Variants in CNNM4 observed in about 807,000 individuals in gnomAD.
CNNM4 encodes cyclin and CBS domain divalent metal cation transport mediator 4, also known as metal transporter CNNM4.
Under a neutral mutation model 53.7 loss-of-function variants are expected in CNNM4, and 32 were observed. That is an observed-to-expected ratio of 0.60 (90% confidence interval 0.45 to 0.80). The LOEUF (loss-of-function observed/expected upper bound fraction) is 0.80, where lower values mean the gene tolerates loss of function less well. CNNM4 is among the 30% of genes least tolerant of loss of function. The pLI is 0.00. For synonymous variants in CNNM4, 410 were observed against 440.0 expected, an observed-to-expected ratio of 0.93 and a Z score of 0.85; for missense variants, 784 against 1,022.0, an observed-to-expected ratio of 0.77 and a Z score of 3.17.
At chr2:96,786,778 CAAAAAAAAAA>C (rs978560794) in intron 1 of CNNM4, among the ~76,000 whole-genome samples, 2 of 40,482 alleles carry the variant, frequency 4.9e-5, no homozygotes, top group Non-Finnish European at 8.7e-5. Context: ...GACTCTGTCT[CAAAAAAAAAA>C]AAAAAAAAAA....
In CNNM4 at chr2:96,797,446, C is replaced by CG. The variant is rs2079113723; in HGVS notation, c.1547-64dup. ...GGGCTGGAGAGCAGGAGCTGCGGGGCGGGTTCCAGTCTCTTCCTAAGTCCT... is the reference window on the plus strand; with the variant it reads ...GGGCTGGAGAGCAGGAGCTGCGGGGCGGGGTTCCAGTCTCTTCCTAAGTCCT... On this transcript the variant is annotated intron_variant, in intron 2 of 6. Coordinates refer to ENST00000377075, the MANE Select transcript of CNNM4 (RefSeq NM_020184.4). This position sits in a 1 kb window ranked among gnomAD's most constrained non-coding sequence, Gnocchi z 6.0. 1 of 1,596,966 alleles carries CG rather than the reference C, an allele frequency of 6.3e-7. No homozygotes were observed. The highest frequency in any genetic ancestry group is 8.5e-7 in the Non-Finnish European group (1 of 1,172,510).
Position 96,761,200 on chromosome 2 carries a change from C to T in CNNM4, c.201C>T (p.Phe67=), listed in dbSNP as rs2078757671. ...GGACGAACCCGGATGGCATCATCTT[C>T]GTGTCCGAGGGCAGCACCGTGAACC... ...SCGTNPDGII[F]VSEGSTVNLR... Residue 67 remains phenylalanine, a synonymous_variant, in exon 1 of 7, where the codon TTC becomes TTT. Coordinates refer to ENST00000377075, the MANE Select transcript of CNNM4 (RefSeq NM_020184.4). This position sits in a 1 kb window ranked among gnomAD's most constrained non-coding sequence, Gnocchi z 6.0. 1 of 1,613,820 alleles carries T rather than the reference C, an allele frequency of 6.2e-7. No individual in the cohort carries two copies. The highest frequency in any genetic ancestry group is 8.5e-7 in the Non-Finnish European group (1 of 1,179,864).
intron 5 of CNNM4, among the ~76,000 whole-genome samples, chr2:96,806,122 C>CG (rs1253840496): frequency 6.8e-6 from 1 of 146,598 alleles, no homozygotes; most frequent in Non-Finnish European, 1.5e-5. Flanking sequence ...GCTGGCCGGG[C>CG]GGGGGGCTGA....
chr2:96,761,795 G>A lies in CNNM4; in HGVS notation c.796G>A (p.Gly266Arg), dbSNP rs773439754. The change falls in exon 1 of 7, where the codon GGG becomes AGG. Residue 266 changes from glycine (G) to arginine (R), a missense_variant. Transcript: ENST00000377075. The surrounding 1 kb of genome is among the most constrained non-coding windows in gnomAD (Gnocchi z 6.0). ...SLTILLDNLI[G>R]SGLMAVASST... is the part of the protein sequence containing the mutation. ...CACAATCCTTCTAGACAACCTCATC[G>A]GGTCCGGCCTCATGGCGGTGGCCTC... The A allele has an allele frequency of 1.2e-6, 2 of 1,613,456 alleles. No individual in the cohort carries two copies. Among genetic ancestry groups the A allele is most frequent in the Admixed American group, 1.7e-5 (1 of 59,992 alleles).
intron 5 of CNNM4, among the ~76,000 whole-genome samples, chr2:96,803,752 G>A (rs1020112104): frequency 6.6e-6 from 1 of 151,342 alleles, no homozygotes; most frequent in Non-Finnish European, 1.5e-5. Flanking sequence ...TGCAGTTTTT[G>A]TTTTATTTAT....
At chr2:96,770,482 G>A (rs2078858797) in intron 1 of CNNM4, among the ~76,000 whole-genome samples, 1 of 152,212 alleles carries the variant, frequency 6.6e-6, no homozygotes, top group South Asian at 2.1e-4. Context: ...GGTAGACATG[G>A]CGTTTTCCAC....
chr2:96,792,183 T>C (rs1003010173), intron 1 of CNNM4, among the ~76,000 whole-genome samples: 11 of 149,472 alleles, frequency 7.4e-5, no homozygotes, highest in Admixed American at 4.7e-4. Context: ...GAGGTGGAGA[T>C]TGCAGTGAGC....
At chr2:96,771,639 G>A (rs570920160) in intron 1 of CNNM4, among the ~76,000 whole-genome samples, 2 of 151,656 alleles carry the variant, frequency 1.3e-5, no homozygotes, top group Admixed American at 6.6e-5. Context: ...GCTTGAACCC[G>A]GTAGGTGGAG....
intron 3 of CNNM4, 151 bp from the exon 4 acceptor site, chr2:96,798,906 C>A: frequency 1.3e-6 from 1 of 767,762 alleles, no homozygotes. Flanking sequence ...GCTCCCTCCC[C>A]AGGGAGGTGC....
At position 96,760,998 on chromosome 2, in the gene CNNM4, A is replaced by C; in HGVS notation, c.-2A>C. The C allele has an allele frequency of 8.8e-7, 1 of 1,138,592 alleles. No individual in the cohort carries two copies. Among genetic ancestry groups the C allele is most frequent in the Middle Eastern group, 3.7e-4 (1 of 2,720 alleles). The allele number at this position is 1,138,592 out of a possible 1,614,324, so 70.5% of individuals were successfully genotyped here. A position where few individuals can be genotyped will look rare whatever the true frequency, so the allele number is the denominator to read the frequency against. On this transcript the variant is annotated 5_prime_UTR_variant, in exon 1 of 7. Coordinates refer to ENST00000377075, the MANE Select transcript of CNNM4 (RefSeq NM_020184.4). ...CGGCGGCGGCGGCAGAGCCAGAGCA[A>C]CATGGCGCCGGTGGGCGGGGGCGGG...
In CNNM4 at chr2:96,809,378, A is replaced by G. The variant is rs775579761; in HGVS notation, c.2189A>G (p.Gln730Arg). The change falls in exon 7 of 7, where the codon CAG becomes CGG. Residue 730 changes from glutamine (Q) to arginine (R), a missense_variant. Transcript: ENST00000377075. Reference protein sequence around the residue: ...LLASRMENSPQFPIDGCTTHM... With the variant: ...LLASRMENSPRFPIDGCTTHM... The stretch of plus-strand genomic sequence containing the variant: ...GCTTCTCGCATGGAGAACAGCCCTC[A>G]GTTTCCCATAGACGGGTGCACCACC... The G allele has an allele frequency of 1.9e-6, 3 of 1,614,138 alleles. No individual in the cohort carries two copies. Among genetic ancestry groups the G allele is most frequent in the Non-Finnish European group, 2.5e-6 (3 of 1,180,022 alleles).
At chr2:96,785,266 A>G (rs981909073) in intron 1 of CNNM4, among the ~76,000 whole-genome samples, 1 of 152,038 alleles carries the variant, frequency 6.6e-6, no homozygotes, top group African/African-American at 2.4e-5. Context: ...TTGTGCCTCC[A>G]TTCAATCAAA....
At chr2:96,781,269 G>A (rs150035500) in intron 1 of CNNM4, among the ~76,000 whole-genome samples, 3,138 of 151,274 alleles carry the variant, frequency 0.021, 124 homozygotes, top group African/African-American at 0.073. Context: ...GTGAGCCACC[G>A]TGCCCGGCCT....
chr2:96,784,511 T>A (rs2079000445), intron 1 of CNNM4, among the ~76,000 whole-genome samples: 1 of 152,162 alleles, frequency 6.6e-6, no homozygotes, highest in African/African-American at 2.4e-5. Context: ...AGTAAAAGCT[T>A]AAAAATCTAG....
chr2:96,784,499 A>G (rs1266084699), intron 1 of CNNM4, among the ~76,000 whole-genome samples: 2 of 152,196 alleles, frequency 1.3e-5, no homozygotes, highest in African/African-American at 4.8e-5. Context: ...GATATTTTCC[A>G]TAGTAAAAGC....
chr2:96,764,610 C>T lies in CNNM4; in HGVS notation c.1402+2209C>T, dbSNP rs1175537202. 3.3e-5 allele frequency among the ~76,000 whole-genome samples: 5 copies of T among 152,218 alleles called. No individual in the cohort carries two copies. The East Asian group carries it at 7.7e-4, about 23-fold the overall frequency. ...CACCGGGTTCCCTGCAGCGTGGCCTCTTCCAGACCTTCCAATCTGGCGTCC... is the reference window on the plus strand; with the variant it reads ...CACCGGGTTCCCTGCAGCGTGGCCTTTTCCAGACCTTCCAATCTGGCGTCC... On this transcript the variant is annotated intron_variant, in intron 1 of 6. Transcript: ENST00000377075.
At chr2:96,805,943 G>A (rs1255989631) in intron 5 of CNNM4, among the ~76,000 whole-genome samples, 2 of 151,762 alleles carry the variant, frequency 1.3e-5, no homozygotes, top group Non-Finnish European at 2.9e-5. Flanking sequence ...ATCCTGGCCC[G>A]TTCTCAATGA....
chr2:96,809,848 A>T lies in CNNM4; in HGVS notation c.*331A>T, dbSNP rs772129031. On this transcript the variant is annotated 3_prime_UTR_variant, in exon 7 of 7. Transcript: ENST00000377075. The stretch of plus-strand genomic sequence containing the variant: ...AAGACAGGGTTAAGGAACTTTATTT[A>T]AAAAAAAAATATTTTTTTCCTAAAA... The T allele has an allele frequency of 5.8e-5, 11 of 190,174 alleles. No individual in the cohort carries two copies. The highest frequency in any genetic ancestry group is 4.9e-4 in the South Asian group (3 of 6,168). 11.8% of individuals were successfully genotyped at this position (190,174 alleles called of 1,614,324 possible).
chr2:96,794,637 A>T (rs1408556655), intron 1 of CNNM4, among the ~76,000 whole-genome samples: 1 of 152,068 alleles, frequency 6.6e-6, no homozygotes, highest in Non-Finnish European at 1.5e-5. Context: ...TGTTAAAAAG[A>T]ATGTTGCCAA....
Sources: gnomAD v4.1 joint callset for allele counts (sites outside exome capture counted in the v4.1 genomes callset) on GRCh38, gnomAD v4.1.1 for gene constraint, Gnocchi (gnomAD v3.1) non-coding constraint, MANE v1.5 for transcripts, NCBI Gene and HGNC (gene_info 2026-07-23, HGNC 2026-07-21) for gene names.